Variants in CD109 observed in about 807,000 individuals in gnomAD.
The protein encoded by CD109 is CD109 antigen.
A neutral mutation model predicts 165.8 loss-of-function variants in CD109; 149 were observed. That is an observed-to-expected ratio of 0.90 (90% CI 0.79 to 1.03). The LOEUF is 1.03. CD109 is among the 50% of genes least tolerant of loss of function. The pLI is 0.00. For missense variants in CD109, 1,712 were observed against 1,677.8 expected, an observed-to-expected ratio of 1.02 and a Z score of -0.36; for synonymous variants, 585 against 592.1, an observed-to-expected ratio of 0.99 and a Z score of 0.18.
intron 22 of CD109, among the ~76,000 whole-genome samples, chr6:73,791,737 C>T (rs1171571015): frequency 1.3e-5 from 2 of 152,180 alleles, no homozygotes; most frequent in Non-Finnish European, 2.9e-5. Context: ...ACATAGCCTG[C>T]AGTGGTAATA....
chr6:73,783,627 T>G (rs1251863212), intron 18 of CD109, 80 bp from the exon 19 acceptor site: 3 of 816,566 alleles, frequency 3.7e-6, no homozygotes, highest in Admixed American at 4.4e-5. Context: ...CTTCCAAAAA[T>G]AGTTTAGATT....
chr6:73,741,969 C>G (rs1772801025), intron 5 of CD109, among the ~76,000 whole-genome samples: 1 of 152,172 alleles, frequency 6.6e-6, no homozygotes, highest in Non-Finnish European at 1.5e-5. Context: ...CTGTGCCTGG[C>G]CTGCAAATGG....
At chr6:73,769,742 C>T (rs1773971909) in intron 14 of CD109, among the ~76,000 whole-genome samples, 1 of 152,102 alleles carries the variant, frequency 6.6e-6, no homozygotes, top group South Asian at 2.1e-4. Context: ...CAAGTTGAAG[C>T]CATGGGGCTC....
chr6:73,749,586 T>C (rs1320942295), intron 5 of CD109, among the ~76,000 whole-genome samples: 1 of 152,228 alleles, frequency 6.6e-6, no homozygotes, highest in Non-Finnish European at 1.5e-5. Context: ...CTAAAAACTT[T>C]TGTGTATTTT....
At chr6:73,796,932 T>C (rs895995147) in intron 23 of CD109, among the ~76,000 whole-genome samples, 3 of 152,218 alleles carry the variant, frequency 2.0e-5, no homozygotes, top group African/African-American at 7.2e-5. Context: ...TTCAAAGTAG[T>C]GGACGAAAGC....
At chr6:73,790,620 G>A (rs1203346828) in intron 22 of CD109, among the ~76,000 whole-genome samples, 2 of 152,190 alleles carry the variant, frequency 1.3e-5, no homozygotes, top group African/African-American at 2.4e-5. Context: ...GGCCTGTGAA[G>A]CAGAGGAGCT....
rs760084009 is a variant in CD109, at chr6:73,766,806, T to C, written c.1380T>C (p.Phe460=). ...SKSSMAVHSL[F]KSPSKTYIQL... ...GTAGCATGGCAGTTCATAGTCTGTT[T>C]AAGTCTCCTAGTAAGACATACATCC... Residue 460 remains phenylalanine, a synonymous_variant, in exon 12 of 33, where the codon TTT becomes TTC. Coordinates refer to ENST00000287097, the MANE Select transcript of CD109 (RefSeq NM_133493.5). 7.4e-6 allele frequency: 12 copies of C among 1,613,316 alleles called. No homozygotes were observed. The South Asian group carries it at 1.2e-4, about 16-fold the overall frequency.
chr6:73,768,102 A>C lies in CD109; in HGVS notation c.1545A>C (p.Thr515=). Residue 515 remains threonine (T), a synonymous_variant, in exon 14 of 33, where the codon ACA becomes ACC. Transcript: ENST00000287097. ...QLVAVGKQNS[T]MFSLTPENSW... ...TGGCTGTAGGAAAACAAAATTCAAC[A>C]ATGTTCTCTTTAACACCAGAAAATT... The C allele has an allele frequency of 6.2e-7, 1 of 1,613,516 alleles. No individual in the cohort carries two copies.
In CD109 at chr6:73,696,278, C is replaced by A. The variant is rs1010042694; in HGVS notation, c.63C>A (p.Ala21=). The change falls in exon 1 of 33, where the codon GCC becomes GCA. Residue 21 remains alanine (A), a synonymous_variant. Coordinates refer to ENST00000287097, the MANE Select transcript of CD109 (RefSeq NM_133493.5). The part of the protein sequence containing the change: ...HLLCVCTAAL[A]VAPGPRFLVT... ...TCTGCGTGTGCACCGCCGCGCTGGCCGTGGCTCCCGGGTAGGAACGTGGGC... is the reference window on the plus strand; with the variant it reads ...TCTGCGTGTGCACCGCCGCGCTGGCAGTGGCTCCCGGGTAGGAACGTGGGC... 13 of 1,526,426 alleles carry A rather than the reference C, an allele frequency of 8.5e-6. No homozygotes were observed. Among genetic ancestry groups the A allele is most frequent in the Non-Finnish European group, 5.3e-6 (6 of 1,142,568 alleles). The allele number at this position is 1,526,426 out of a possible 1,614,324, so 94.6% of individuals were successfully genotyped here.
chr6:73,730,420 A>G lies in CD109; in HGVS notation c.353A>G (p.Asn118Ser). ...GRTQDEILFS[N>S]STRLSFETKR... ...ACCCAGGATGAGATTTTATTCTCTA[A>G]TAGTACCCGCTTATCATTTGAGACC... is the stretch of plus-strand genomic sequence containing the variant. The change falls in exon 4 of 33, where the codon AAT (asparagine) becomes AGT (serine). Residue 118 changes from asparagine to serine, a missense_variant. Physicochemically the swap from Asn to Ser is conservative, Grantham distance 46. Transcript: ENST00000287097. The G allele has an allele frequency of 1.2e-6, 2 of 1,613,902 alleles. No homozygotes were observed. Among genetic ancestry groups the G allele is most frequent in the South Asian group, 2.2e-5 (2 of 91,076 alleles).
chr6:73,710,080 G>A (rs1225608875), intron 2 of CD109, among the ~76,000 whole-genome samples: 2 of 152,160 alleles, frequency 1.3e-5, no homozygotes, highest in East Asian at 1.9e-4. Flanking sequence ...TAGTGTTGGA[G>A]GTTCTGGCTA....
At chr6:73,749,731 A>G (rs753334974) in intron 5 of CD109, among the ~76,000 whole-genome samples, 9 of 152,232 alleles carry the variant, frequency 5.9e-5, no homozygotes, top group Non-Finnish European at 1.2e-4. Context: ...TCTGGTTATA[A>G]AAGTAATGCA....
At chr6:73,740,632 G>C (rs1174328359) in intron 5 of CD109, among the ~76,000 whole-genome samples, 1 of 141,436 alleles carries the variant, frequency 7.1e-6, no homozygotes, top group Admixed American at 7.4e-5. Context: ...ACAGAGTCTC[G>C]CTCTTTTGCC....
At chr6:73,815,703 CT>C (rs1273793935) in intron 30 of CD109, among the ~76,000 whole-genome samples, 3 of 152,110 alleles carry the variant, frequency 2.0e-5, no homozygotes, top group East Asian at 3.8e-4. Flanking sequence ...ATCTGAGAAT[CT>C]TGTTAATAAG....
chr6:73,803,386 T>C, intron 24 of CD109, 85 bp downstream of exon 24: 1 of 918,440 alleles, frequency 1.1e-6, no homozygotes. Flanking sequence ...GACAGATATA[T>C]CTCTATATAT....
At chr6:73,737,026 A>C (rs1217737545) in intron 5 of CD109, among the ~76,000 whole-genome samples, 1 of 152,220 alleles carries the variant, frequency 6.6e-6, no homozygotes, top group Non-Finnish European at 1.5e-5. Context: ...AATGGAGGGC[A>C]TTAAATGGCA....
chr6:73,759,343 AT>A (rs2150218736), intron 7 of CD109, among the ~76,000 whole-genome samples: 1 of 151,892 alleles, frequency 6.6e-6, no homozygotes, highest in South Asian at 2.1e-4. Context: ...CGCCTGGCTA[AT>A]TTTTTTTCCT....
intron 5 of CD109, among the ~76,000 whole-genome samples, chr6:73,753,494 A>G (rs763150459): frequency 6.6e-6 from 1 of 152,206 alleles, no homozygotes; most frequent in Non-Finnish European, 1.5e-5. Flanking sequence ...CTGCTTTTCA[A>G]ATCCCTTGGA....
intron 24 of CD109, 65 bp from the exon 25 acceptor site, chr6:73,806,779 G>T: frequency 1.8e-6 from 2 of 1,113,256 alleles, no homozygotes; most frequent in Non-Finnish European, 2.6e-6. Context: ...TGTTTTGCTT[G>T]CTCGGTGTTA....
Sources: allele counts gnomAD v4.1 joint callset (sites outside exome capture counted in the v4.1 genomes callset), GRCh38; gene constraint gnomAD v4.1.1; transcripts MANE v1.5; gene names NCBI Gene and HGNC (gene_info 2026-07-23, HGNC 2026-07-21).